NUDCD3: variants seen among roughly 807,000 people sequenced by gnomAD.
NUDCD3 encodes the protein NudC domain containing 3, also known as nudC domain-containing protein 3.
In NUDCD3, 13 loss-of-function variants were observed where a neutral mutation model predicts 39.7. That is an observed-to-expected ratio of 0.33 (90% CI 0.21 to 0.52). The LOEUF (loss-of-function observed/expected upper bound fraction) is 0.52. Among genes scored for constraint, NUDCD3 ranks in the 20% least tolerant of loss-of-function variants. The pLI is 0.96. For missense variants in NUDCD3, 453 were observed against 458.1 expected, an observed-to-expected ratio of 0.99 and a Z score of 0.10; for synonymous variants, 175 against 172.4, an observed-to-expected ratio of 1.02 and a Z score of -0.12.
At chr7:44,425,371 A>G (rs1164803842) in intron 3 of NUDCD3, among the ~76,000 whole-genome samples, 1 of 152,248 alleles carries the variant, frequency 6.6e-6, no homozygotes, top group African/African-American at 2.4e-5. Flanking sequence ...CACAGGTTGC[A>G]GGTTCTCATG....
intron 2 of NUDCD3, among the ~76,000 whole-genome samples, chr7:44,429,734 C>A (rs886329131): frequency 6.6e-6 from 1 of 151,970 alleles, no homozygotes; most frequent in Non-Finnish European, 1.5e-5. Flanking sequence ...CTCACACAGG[C>A]GGGCCACTGT....
intron 2 of NUDCD3, chr7:44,468,283 G>A (rs1363943321): frequency 1.3e-6 from 2 of 1,586,618 alleles, no homozygotes; most frequent in Non-Finnish European, 8.5e-7. Flanking sequence ...ATGCCAGGCT[G>A]CGCAGCGAAG....
intron 3 of NUDCD3, among the ~76,000 whole-genome samples, chr7:44,410,410 C>G (rs1798901555): frequency 6.6e-6 from 1 of 152,198 alleles, no homozygotes. Context: ...CGCCTGTAAT[C>G]CCAGCACTTT....
At chr7:44,468,098 C>T in intron 2 of NUDCD3, 1 of 1,610,500 alleles carries the variant, frequency 6.2e-7, no homozygotes, top group Non-Finnish European at 8.5e-7. Context: ...AAAAACAAAG[C>T]ACATGCTGCC....
intron 2 of NUDCD3, among the ~76,000 whole-genome samples, chr7:44,449,214 G>C (rs1001164690): frequency 2.8e-4 from 43 of 152,322 alleles, no homozygotes; most frequent in African/African-American, 1.0e-3. Flanking sequence ...GCCTAAGAAA[G>C]AGGCTGAAAG....
At chr7:44,482,219 T>C (rs936290353) in intron 2 of NUDCD3, among the ~76,000 whole-genome samples, 3 of 152,082 alleles carry the variant, frequency 2.0e-5, no homozygotes, top group Non-Finnish European at 4.4e-5. Flanking sequence ...AAACTGCACA[T>C]GTGTAAAGTG....
chr7:44,489,321 T>C (rs1174501276), intron 1 of NUDCD3, among the ~76,000 whole-genome samples: 5 of 152,214 alleles, frequency 3.3e-5, no homozygotes, highest in Non-Finnish European at 1.5e-5. Context: ...GGAATAGCCT[T>C]AAGTTCTGAA....
intron 4 of NUDCD3, among the ~76,000 whole-genome samples, chr7:44,398,144 T>G (rs932555732): frequency 6.6e-6 from 1 of 152,188 alleles, no homozygotes; most frequent in Non-Finnish European, 1.5e-5. Flanking sequence ...CTGCCCCGCA[T>G]AGCATCTGCC....
chr7:44,469,570 T>G (rs975593355), intron 2 of NUDCD3, among the ~76,000 whole-genome samples: 9 of 152,186 alleles, frequency 5.9e-5, no homozygotes, highest in Admixed American at 2.0e-4. Flanking sequence ...GTCTCAAAGT[T>G]ATCTCCCCAC....
Position 44,446,132 on chromosome 7 carries a change from T to C in NUDCD3, c.510-18429A>G, listed in dbSNP as rs776497955. Reference sequence around the variant, plus strand: ...ATGAGGCTGGACTATTCAAGTCCTATAGACATCCTTAGCCAAGCCTGTGAC... The same window carrying C: ...ATGAGGCTGGACTATTCAAGTCCTACAGACATCCTTAGCCAAGCCTGTGAC... On this transcript the variant is annotated intron_variant, in intron 2 of 5. Transcript: ENST00000355451. Among the ~76,000 whole-genome samples the C allele has an allele frequency of 1.8e-4, 28 of 152,348 alleles. 1 individual carries two copies. Among genetic ancestry groups the C allele is most frequent in the Non-Finnish European group, 5.9e-5 (4 of 68,042 alleles).
chr7:44,438,588 C>T (rs1042025673), intron 2 of NUDCD3, among the ~76,000 whole-genome samples: 1 of 143,938 alleles, frequency 6.9e-6, no homozygotes, highest in Admixed American at 7.1e-5. Context: ...CCACCCCACA[C>T]CCAGTGCTAA....
intron 1 of NUDCD3, among the ~76,000 whole-genome samples, chr7:44,488,809 A>G (rs899947178): frequency 6.6e-6 from 1 of 152,142 alleles, no homozygotes; most frequent in Non-Finnish European, 1.5e-5. Flanking sequence ...TAACCTATGG[A>G]AGTGTCTTGT....
chr7:44,472,798 C>A (rs1043180202), intron 2 of NUDCD3, among the ~76,000 whole-genome samples: 1 of 152,108 alleles, frequency 6.6e-6, no homozygotes, highest in Non-Finnish European at 1.5e-5. Context: ...AACAGTAGCC[C>A]AGAAAGGAGT....
At chr7:44,413,274 G>C (rs1233300089) in intron 3 of NUDCD3, 4 of 151,970 alleles carry the variant, frequency 2.6e-5, no homozygotes, top group Non-Finnish European at 5.9e-5. Flanking sequence ...AACACAGGGA[G>C]ACTCCATTTC....
chr7:44,474,922 C>T (rs1185678754), intron 2 of NUDCD3, among the ~76,000 whole-genome samples: 1 of 152,072 alleles, frequency 6.6e-6, no homozygotes, highest in African/African-American at 2.4e-5. Context: ...AGCCAGGTGG[C>T]CTAAGGCTCA....
chr7:44,480,886 G>A (rs1800475093), intron 2 of NUDCD3, among the ~76,000 whole-genome samples: 1 of 135,400 alleles, frequency 7.4e-6, no homozygotes, highest in South Asian at 2.4e-4. Context: ...AGGCTGCAGT[G>A]AGCCAAGATC....
chr7:44,469,633 T>A (rs567558401), intron 2 of NUDCD3, among the ~76,000 whole-genome samples: 1 of 152,288 alleles, frequency 6.6e-6, no homozygotes, highest in Admixed American at 6.5e-5. Context: ...GTGGAAGAAA[T>A]GTGCAGCCAT....
rs531911896 is a variant in NUDCD3, at chr7:44,454,643, T to C, written c.510-26940A>G. On this transcript the variant is annotated intron_variant, in intron 2 of 5. Coordinates refer to ENST00000355451, the MANE Select transcript of NUDCD3 (RefSeq NM_015332.4). ...CTGAGTCCTTCTCAAAACTTTCTTT[T>C]AGGCTGGGCACAGTGGCTCATGCCT... is the stretch of plus-strand genomic sequence containing the variant. Among the ~76,000 whole-genome samples the C allele has an allele frequency of 3.3e-5, 5 of 152,170 alleles. No homozygotes were observed. The East Asian group carries it at 5.8e-4, about 18-fold the overall frequency.
intron 1 of NUDCD3, among the ~76,000 whole-genome samples, chr7:44,486,929 G>C (rs925239926): frequency 3.9e-5 from 6 of 152,142 alleles, no homozygotes; most frequent in African/African-American, 1.2e-4. Context: ...GGCTGGAAGA[G>C]AACTCTAATC....
Sources: gnomAD v4.1 joint callset for allele counts (sites outside exome capture counted in the v4.1 genomes callset) on GRCh38, gnomAD v4.1.1 for gene constraint, MANE v1.5 for transcripts, NCBI Gene and HGNC (gene_info 2026-07-23, HGNC 2026-07-21) for gene names.